Variants in CTNNA3 observed in about 807,000 individuals in gnomAD.
CTNNA3 encodes the protein catenin alpha 3.
Under a neutral mutation model 95.7 loss-of-function variants are expected in CTNNA3, and 76 were observed. The observed-to-expected ratio is 0.79, with a 90% confidence interval of 0.66 to 0.96. The LOEUF (loss-of-function observed/expected upper bound fraction) is 0.96, where lower values mean the gene tolerates loss of function less well. CTNNA3 is among the 40% of genes least tolerant of loss of function. The pLI is 0.00. For synonymous variants in CTNNA3, 431 were observed against 374.4 expected (o/e 1.15, Z -1.74); for missense variants, 1,191 against 1,089.8 (o/e 1.09, Z -1.31).
At chr10:67,097,825 A>G (rs1476477144) in intron 7 of CTNNA3, 3 of 1,605,872 alleles carry the variant, frequency 1.9e-6, no homozygotes, top group Non-Finnish European at 2.6e-6. Flanking sequence ...AGGGGTTGCT[A>G]CCAAACTTTG....
chr10:67,368,303 T>C (rs1843290843), intron 5 of CTNNA3, among the ~76,000 whole-genome samples: 2 of 152,108 alleles, frequency 1.3e-5, no homozygotes, highest in South Asian at 2.1e-4. Flanking sequence ...TAAAACCAAA[T>C]TGAGATAGTT....
chr10:66,815,699 T>C (rs1842051730), intron 7 of CTNNA3, among the ~76,000 whole-genome samples: 1 of 152,100 alleles, frequency 6.6e-6, no homozygotes. Flanking sequence ...AGTTTGGAAA[T>C]AATATATTTA....
chr10:67,313,446 T>C (rs10997611), intron 5 of CTNNA3, among the ~76,000 whole-genome samples: 2 of 149,710 alleles, frequency 1.3e-5, no homozygotes, highest in African/African-American at 4.9e-5. Flanking sequence ...AAAAAAAAAA[T>C]AATAATAATA....
chr10:67,418,684 G>C (rs1343549758), intron 5 of CTNNA3, among the ~76,000 whole-genome samples: 4 of 152,088 alleles, frequency 2.6e-5, no homozygotes, highest in Non-Finnish European at 5.9e-5. Context: ...CTAGTTACCA[G>C]GGTCAGGGGC....
intron 3 of CTNNA3, among the ~76,000 whole-genome samples, chr10:67,577,428 C>T (rs1263134455): frequency 6.6e-6 from 1 of 151,932 alleles, no homozygotes; most frequent in Non-Finnish European, 1.5e-5. Context: ...GGATATTAGC[C>T]TTTTGTCAGA....
chr10:66,005,590 T>C (rs2078862357), intron 15 of CTNNA3, among the ~76,000 whole-genome samples: 1 of 152,100 alleles, frequency 6.6e-6, no homozygotes, highest in South Asian at 2.1e-4. Flanking sequence ...GAAGACACTT[T>C]ATGTGTCTGG....
rs561724421 is a variant in CTNNA3 at position 67,509,932 on chromosome 10, G to C, written c.579+11910C>G. 4.6e-5 allele frequency among the ~76,000 whole-genome samples: 7 copies of C among 152,222 alleles called. No individual in the cohort carries two copies. The East Asian group carries it at 1.4e-3, about 29-fold the overall frequency. ...CATTGTGATTTTGATTTGCATTTCT[G>C]TGATGACCAGTGATGATGAGCATTT... On this transcript the variant is annotated intron_variant, in intron 5 of 17. Transcript: ENST00000433211.
chr10:67,758,453 G>A (rs911815043), intron 1 of CTNNA3, among the ~76,000 whole-genome samples: 4 of 151,268 alleles, frequency 2.6e-5, no homozygotes, highest in South Asian at 4.2e-4. Flanking sequence ...CAAAAAATAA[G>A]AATTAGTAAA....
chr10:66,328,911 C>CATATATATATATATAT (rs1554935009), intron 12 of CTNNA3, among the ~76,000 whole-genome samples: 1,856 of 86,198 alleles, frequency 0.022, 71 homozygotes, highest in East Asian at 0.041. Flanking sequence ...CACATATATA[C>CATATATATATATATAT]ATATATATAT....
chr10:66,942,552 C>A (rs1251778580), intron 7 of CTNNA3, among the ~76,000 whole-genome samples: 7 of 46,938 alleles, frequency 1.5e-4, no homozygotes, highest in Middle Eastern at 9.6e-3. Context: ...CATAATGTCT[C>A]TCTCTCTCTC....
intron 1 of CTNNA3, among the ~76,000 whole-genome samples, chr10:67,704,915 TCAAA>T (rs1202805775): frequency 6.6e-6 from 1 of 150,398 alleles, no homozygotes; most frequent in Non-Finnish European, 1.5e-5. Context: ...TACAATGAAC[TCAAA>T]CAAATTTACA....
At chr10:66,086,753 C>T (rs896725116) in intron 14 of CTNNA3, among the ~76,000 whole-genome samples, 5 of 152,012 alleles carry the variant, frequency 3.3e-5, no homozygotes, top group Non-Finnish European at 5.9e-5. Context: ...TCCCCGACTC[C>T]GCAATCACAA....
intron 13 of CTNNA3, among the ~76,000 whole-genome samples, chr10:66,221,212 G>A (rs1485008026): frequency 6.6e-6 from 1 of 152,032 alleles, no homozygotes; most frequent in Non-Finnish European, 1.5e-5. Flanking sequence ...CAGCTCATCT[G>A]GTTGTGATAC....
chr10:67,553,851 C>T (rs1234926092), intron 3 of CTNNA3, among the ~76,000 whole-genome samples: 6 of 151,658 alleles, frequency 4.0e-5, no homozygotes, highest in Non-Finnish European at 4.4e-5. Flanking sequence ...TGTTGGTGTG[C>T]TGCACCCATT....
chr10:67,486,218 G>A (rs527611026), intron 5 of CTNNA3, among the ~76,000 whole-genome samples: 3 of 152,282 alleles, frequency 2.0e-5, no homozygotes, highest in South Asian at 2.1e-4. Flanking sequence ...ATACATAGGC[G>A]TGCTGGATGA....
At chr10:66,146,008 C>A (rs923316449) in intron 13 of CTNNA3, among the ~76,000 whole-genome samples, 2 of 152,146 alleles carry the variant, frequency 1.3e-5, no homozygotes, top group Admixed American at 1.3e-4. Context: ...CACGCGCCAC[C>A]AAGCCCTGCT....
At chr10:67,315,209 A>T (rs1051216073) in intron 5 of CTNNA3, among the ~76,000 whole-genome samples, 3 of 152,196 alleles carry the variant, frequency 2.0e-5, no homozygotes, top group African/African-American at 7.2e-5. Context: ...ATCACTCAGC[A>T]TCTTCATTTT....
intron 10 of CTNNA3, among the ~76,000 whole-genome samples, chr10:66,563,668 T>C (rs1842620217): frequency 6.6e-6 from 1 of 151,966 alleles, no homozygotes; most frequent in South Asian, 2.1e-4. Context: ...AAGGTCTACA[T>C]ACCCCCCTCA....
chr10:67,089,744 T>TGTGC (rs1554917557), intron 7 of CTNNA3, among the ~76,000 whole-genome samples: 13 of 151,368 alleles, frequency 8.6e-5, no homozygotes, highest in African/African-American at 3.2e-4. Flanking sequence ...TGTGTGTGTG[T>TGTGC]GTGTGTGTGG....
Sources: gnomAD v4.1 joint callset for allele counts (sites outside exome capture counted in the v4.1 genomes callset) on GRCh38, gnomAD v4.1.1 for gene constraint, MANE v1.5 for transcripts, NCBI Gene and HGNC (gene_info 2026-07-23, HGNC 2026-07-21) for gene names.